CCDC74A: variants seen among roughly 807,000 people sequenced by gnomAD.
CCDC74A encodes the protein coiled-coil domain-containing protein 74A.
A neutral mutation model predicts 37.6 loss-of-function variants in CCDC74A; 38 were observed. The observed-to-expected ratio is 1.01, with a 90% CI of 0.78 to 1.33. CCDC74A has a LOEUF of 1.33. Among genes scored for constraint, CCDC74A ranks in the 40% most tolerant of loss-of-function variants. CCDC74A has a pLI of 0.00. For synonymous variants in CCDC74A, 134 were observed against 165.2 expected (o/e 0.81, Z 1.45); for missense variants, 340 against 403.4 (o/e 0.84, Z 1.35).
rs1412884753 is a variant in CCDC74A at position 131,528,023 on chromosome 2, C to G, written c.53C>G (p.Pro18Arg). The part of the protein sequence containing the change: ...AGTRPPSSPT[P>R]GSRRRRQRPS... ...ACGCGGCCCCCCAGCTCGCCGACCC[C>G]GGGCTCTCGGCGCCGGCGCCAGCGC... The change falls in exon 1 of 8, where the codon CCG (proline) becomes CGG (arginine). Residue 18 changes from proline to arginine, a missense_variant. Transcript: ENST00000409856. 6.7e-6 allele frequency: 10 copies of G among 1,486,546 alleles called. No individual in the cohort carries two copies. The highest frequency in any genetic ancestry group is 8.9e-6 in the Non-Finnish European group (10 of 1,121,190). 92.1% of individuals were successfully genotyped at this position (1,486,546 alleles called of 1,614,324 possible).
chr2:131,529,802 G>A (rs1488143748), intron 2 of CCDC74A, 111 bp downstream of exon 2: 12 of 1,555,522 alleles, frequency 7.7e-6, no homozygotes, highest in Non-Finnish European at 1.0e-5. Flanking sequence ...CCAACCCAGT[G>A]GGTACAGGTT....
rs753039767 is a variant in CCDC74A, at chr2:131,533,232, G to A, written c.810-37G>A. 1.1e-4 allele frequency: 180 copies of A among 1,611,386 alleles called. 1 individual carries two copies. The highest frequency in any genetic ancestry group is 5.7e-4 in the South Asian group (52 of 90,922). ...GCACTCCCCACACACTCCACTCCCGGGGATGCTCACGGTGACAGTCCCTCT... is the reference window on the plus strand; with the variant it reads ...GCACTCCCCACACACTCCACTCCCGAGGATGCTCACGGTGACAGTCCCTCT... On this transcript the variant is annotated intron_variant, in intron 7 of 7. Coordinates refer to ENST00000409856, the MANE Select transcript of CCDC74A (RefSeq NM_001258306.3).
At chr2:131,531,045 G>A (rs1294942968) in intron 3 of CCDC74A, among the ~76,000 whole-genome samples, 1 of 152,124 alleles carries the variant, frequency 6.6e-6, no homozygotes, top group African/African-American at 2.4e-5. Flanking sequence ...GGGCAGTAAG[G>A]CCTCACAGCA....
chr2:131,526,749 G>A (rs1573512327), upstream of CCDC74A, among the ~76,000 whole-genome samples: 5 of 152,326 alleles, frequency 3.3e-5, no homozygotes, highest in Admixed American at 3.3e-4. Flanking sequence ...GTTAGGGGTT[G>A]CGCCATGTGT....
upstream of CCDC74A, among the ~76,000 whole-genome samples, chr2:131,526,192 G>C (rs1427424972): frequency 6.7e-6 from 1 of 149,296 alleles, no homozygotes; most frequent in African/African-American, 2.5e-5. Flanking sequence ...TGTTGCCCAG[G>C]CTTGAAGGCA....
upstream of CCDC74A, among the ~76,000 whole-genome samples, chr2:131,526,131 C>A (rs1680305538): frequency 2.1e-5 from 3 of 143,480 alleles, no homozygotes; most frequent in Admixed American, 7.4e-5. Flanking sequence ...CTCGCATTTT[C>A]TTTTCTTTTT....
intron 1 of CCDC74A, 168 bp from the exon 2 acceptor site, chr2:131,529,479 C>A (rs1279830809): frequency 1.1e-6 from 1 of 887,378 alleles, no homozygotes; most frequent in South Asian, 1.4e-5. Context: ...TGGCCTGACA[C>A]CCACGACGAA....
Position 131,532,908 on chromosome 2 carries a change from G to T in CCDC74A, c.723G>T (p.Gln241His). 1 of 1,613,662 alleles carries T rather than the reference G, an allele frequency of 6.2e-7. No homozygotes were observed. The highest frequency in any genetic ancestry group is 8.5e-7 in the Non-Finnish European group (1 of 1,179,736). The change falls in exon 6 of 8, where the codon CAG (glutamine) becomes CAT (histidine). Residue 241 changes from glutamine (Q) to histidine (H), a missense_variant. Coordinates refer to ENST00000409856, the MANE Select transcript of CCDC74A (RefSeq NM_001258306.3). ...TCCTGGAAGGGAGCCAGAGGCCCCA[G>T]GCAGCCCCGGAGGAAGCTAGCTTTC... is the stretch of plus-strand genomic sequence containing the variant. ...KSLLEGSQRP[Q>H]AAPEEASFPR...
rs760456263 is a variant in CCDC74A, at chr2:131,533,291, C to G, written c.832C>G (p.Arg278Gly). The change falls in exon 8 of 8, where the codon CGT becomes GGT. Residue 278 changes from arginine (R) to glycine (G), a missense_variant. Transcript: ENST00000409856. ...KKCLSPPVAERAILPALKQTP... is the reference protein window; with the variant it reads ...KKCLSPPVAEGAILPALKQTP... ...CAGCCTGAGCCCACCTGTGGCGGAG[C>G]GTGCCATCCTGCCCGCACTGAAGCA... 4 of 1,613,062 alleles carry G rather than the reference C, an allele frequency of 2.5e-6. No individual in the cohort carries two copies. In the East Asian group the frequency reaches 6.7e-5, roughly 27 times the overall value.
At chr2:131,528,939 G>A (rs1191821507) in intron 1 of CCDC74A, among the ~76,000 whole-genome samples, 2 of 70,416 alleles carry the variant, frequency 2.8e-5, no homozygotes, top group East Asian at 3.3e-4. Flanking sequence ...CCCCGTCCCC[G>A]CTTCGCCTGT....
upstream of CCDC74A, among the ~76,000 whole-genome samples, chr2:131,523,732 C>G (rs1175823981): frequency 6.6e-6 from 1 of 152,178 alleles, no homozygotes; most frequent in Non-Finnish European, 1.5e-5. Flanking sequence ...ATGCAGATTC[C>G]AGGGAGAATC....
chr2:131,532,830 C>G, intron 5 of CCDC74A, 34 bp from the exon 6 acceptor site: 1 of 1,613,104 alleles, frequency 6.2e-7, no homozygotes, highest in Non-Finnish European at 8.5e-7. Flanking sequence ...GGCACCGCCA[C>G]AGGCCCCACC....
upstream of CCDC74A, among the ~76,000 whole-genome samples, chr2:131,523,154 C>G (rs1268603252): frequency 3.3e-5 from 5 of 152,202 alleles, no homozygotes; most frequent in Admixed American, 6.5e-5. Flanking sequence ...ATGGGACCGC[C>G]TCCGCATCCT....
chr2:131,523,669 G>C (rs1254937902), upstream of CCDC74A, among the ~76,000 whole-genome samples: 1 of 152,174 alleles, frequency 6.6e-6, no homozygotes, highest in African/African-American at 2.4e-5. Flanking sequence ...GCTGGCGCCA[G>C]GGACAGGCCA....
chr2:131,528,938 C>G (rs544951917), intron 1 of CCDC74A, among the ~76,000 whole-genome samples: 154 of 143,282 alleles, frequency 1.1e-3, no homozygotes, highest in African/African-American at 3.6e-3. Context: ...ACCCCGTCCC[C>G]GCTTCGCCTG....
rs137982467 is a variant in CCDC74A, at chr2:131,533,384, C to T, written c.925C>T (p.Arg309Cys). The T allele has an allele frequency of 1.7e-5, 28 of 1,613,506 alleles. No homozygotes were observed. The highest frequency in any genetic ancestry group is 1.0e-4 in the Admixed American group (6 of 60,018). The change falls in exon 8 of 8, where the codon CGC becomes TGC. Residue 309 changes from arginine (R) to cysteine (C), a missense_variant. By Grantham distance (180) the Arg-to-Cys change is radical (BLOSUM62 -3). Coordinates refer to ENST00000409856, the MANE Select transcript of CCDC74A (RefSeq NM_001258306.3). ...GGCAATGCAGAAACGGCGCCTGCAT[C>T]GCTCAGTGCTTTGAGCCACCCCAAT... ...LQAMQKRRLHRSVL is the reference protein window; with the variant it reads ...LQAMQKRRLHCSVL
intron 4 of CCDC74A, among the ~76,000 whole-genome samples, chr2:131,532,057 G>A (rs1187535515): frequency 2.7e-5 from 4 of 150,572 alleles, no homozygotes; most frequent in Non-Finnish European, 4.5e-5. Context: ...CACGAGGGGG[G>A]CCAGTAGCAG....
At chr2:131,523,873 G>A (rs1162960370), upstream of CCDC74A, among the ~76,000 whole-genome samples, 1 of 152,004 alleles carries the variant, frequency 6.6e-6, no homozygotes, top group African/African-American at 2.4e-5. Flanking sequence ...GAACTCCCAA[G>A]GGTAAGGAGG....
In CCDC74A at chr2:131,530,647, G is replaced by C. The variant is rs148324548; in HGVS notation, c.296-130G>C. 1,921 of 1,612,274 alleles carry C rather than the reference G, an allele frequency of 1.2e-3. 1 individual carries two copies. The highest frequency in any genetic ancestry group is 6.2e-3 in the East Asian group (276 of 44,780). On this transcript the variant is annotated intron_variant, in intron 2 of 7. Transcript: ENST00000409856. ...GGGCGCTCGCTGGGTCTGCATCAAC[G>C]GAGTGTGGGTAGAGCCGGGAGGACC...
Sources: gnomAD v4.1 joint callset for allele counts (sites outside exome capture counted in the v4.1 genomes callset) on GRCh38, gnomAD v4.1.1 for gene constraint, MANE v1.5 for transcripts, NCBI Gene and HGNC (gene_info 2026-07-23, HGNC 2026-07-21) for gene names.